Variants in TAF1 observed in about 807,000 individuals in gnomAD.
TAF1 encodes the protein TATA-box binding protein associated factor 1, also known as transcription initiation factor TFIID subunit 1.
In TAF1, 2 loss-of-function variants were observed where a neutral mutation model predicts 138.5. The observed-to-expected ratio is 0.01, with a 90% CI of 0.01 to 0.05. The LOEUF is 0.05. Among genes scored for constraint, TAF1 ranks in the 10% least tolerant of loss-of-function variants. TAF1 has a pLI of 1.00. For missense variants in TAF1, 709 were observed against 1,478.0 expected, an observed-to-expected ratio of 0.48 and a Z score of 8.53; for synonymous variants, 437 against 503.2, an observed-to-expected ratio of 0.87 and a Z score of 1.76.
chrX:71,433,616 T>C (rs1239684547), intron 32 of TAF1, among the ~76,000 whole-genome samples: 1 of 111,473 alleles, frequency 9.0e-6, no homozygotes, highest in Non-Finnish European at 1.9e-5. Flanking sequence ...ACTTTTTATG[T>C]GATTTCTCAA....
intron 28 of TAF1, among the ~76,000 whole-genome samples, chrX:71,409,315 A>G (rs754715447): frequency 9.8e-4 from 107 of 108,880 alleles, no homozygotes; most frequent in Middle Eastern, 4.7e-3. Context: ...TTTGGTAGAG[A>G]TGGGGTTTTG....
At chrX:71,437,532 A>T (rs1452613248) in intron 32 of TAF1, among the ~76,000 whole-genome samples, 1 of 108,476 alleles carries the variant, frequency 9.2e-6, no homozygotes, top group Admixed American at 1.0e-4. Flanking sequence ...AACATGGTGA[A>T]ACCCCATCTC....
At chrX:71,405,148 G>A (rs1228016892) in intron 25 of TAF1, among the ~76,000 whole-genome samples, 1 of 108,603 alleles carries the variant, frequency 9.2e-6, no homozygotes, top group Non-Finnish European at 1.9e-5. Flanking sequence ...TAATAGAGAC[G>A]GGGCTTCACC....
chrX:71,528,995 T>C (rs1402956933), intron 14 of TAF1, among the ~76,000 whole-genome samples: 1 of 112,107 alleles, frequency 8.9e-6, no homozygotes, highest in Non-Finnish European at 1.9e-5. Flanking sequence ...AGAGCGCTAA[T>C]TGGTGCATTT....
chrX:71,499,774 G>C (rs2039463124), intron 13 of TAF1, among the ~76,000 whole-genome samples: 1 of 111,228 alleles, frequency 9.0e-6, no homozygotes, highest in Admixed American at 9.6e-5. Flanking sequence ...AAGATACCAG[G>C]TATCTCCAAG....
chrX:71,390,475 C>T (rs191584503), intron 18 of TAF1, among the ~76,000 whole-genome samples: 323 of 111,641 alleles, frequency 2.9e-3, no homozygotes, highest in South Asian at 0.011. Context: ...CCCTGGATTT[C>T]GATTGGATGA....
chrX:71,505,174 A>ATATGTGAT (rs1316640091), intron 13 of TAF1, among the ~76,000 whole-genome samples: 3 of 111,477 alleles, frequency 2.7e-5, no homozygotes, highest in African/African-American at 9.8e-5. Flanking sequence ...CCATATTGAT[A>ATATGTGAT]TAAATAAGTG....
At position 71,374,053 on chromosome X, in the gene TAF1, G is replaced by A. The variant is rs767672770; in HGVS notation, c.353-1114G>A. 7.2e-5 allele frequency among the ~76,000 whole-genome samples: 8 copies of A among 111,090 alleles called. No homozygotes were observed. In the South Asian group the frequency reaches 2.2e-3, roughly 31 times the overall value. ...AATGTTTCAAGCAGCTCTTGGAAAC[G>A]CTTTCATATGTTGTATGATTTTTTC... On this transcript the variant is annotated intron_variant, in intron 3 of 37. Coordinates refer to ENST00000423759, the MANE Select transcript of TAF1 (RefSeq NM_004606.5).
intron 25 of TAF1, 63 bp downstream of exon 25, chrX:71,401,802 G>A: frequency 9.5e-7 from 1 of 1,054,178 alleles, no homozygotes; most frequent in Non-Finnish European, 1.3e-6. Flanking sequence ...TATATTGGTG[G>A]CTGGCAGGGG....
chrX:71,497,697 C>T (rs1012226198), intron 13 of TAF1, among the ~76,000 whole-genome samples: 1 of 110,550 alleles, frequency 9.0e-6, no homozygotes, highest in Non-Finnish European at 1.9e-5. Flanking sequence ...GATGGAGCTT[C>T]TACTAGGGCC....
intron 32 of TAF1, among the ~76,000 whole-genome samples, chrX:71,447,004 TC>T (rs2037723645): frequency 8.9e-6 from 1 of 112,325 alleles, no homozygotes; most frequent in Non-Finnish European, 1.9e-5. Context: ...AAGATAAATA[TC>T]TAAGAATTGC....
chrX:71,366,475 G>A lies in TAF1; in HGVS notation c.101G>A (p.Gly34Glu), dbSNP rs2032484695. 1.2e-5 allele frequency: 14 copies of A among 1,200,026 alleles called. No individual in the cohort carries two copies. Among genetic ancestry groups the A allele is most frequent in the Non-Finnish European group, 1.6e-5 (14 of 890,594 alleles). The change falls in exon 1 of 38, where the codon GGG becomes GAG. Residue 34 changes from glycine (G) to glutamate (E), a missense_variant. Coordinates refer to ENST00000423759, the MANE Select transcript of TAF1 (RefSeq NM_004606.5). ...ATCAATGGAGCCGGGCAGCTGGAGG[G>A]GGAAAGCGTCTTGGATGATGTGAGG... ...GNINGAGQLEGESVLDDECKK... is the reference protein window; with the variant it reads ...GNINGAGQLEEESVLDDECKK...
chrX:71,475,211 T>C (rs1352109840), intron 13 of TAF1, among the ~76,000 whole-genome samples: 1 of 111,344 alleles, frequency 9.0e-6, no homozygotes, highest in Non-Finnish European at 1.9e-5. Flanking sequence ...ATGGACAGAA[T>C]GTAAAGTTAC....
At chrX:71,437,092 C>T (rs1171884185) in intron 32 of TAF1, among the ~76,000 whole-genome samples, 2 of 111,325 alleles carry the variant, frequency 1.8e-5, no homozygotes, top group East Asian at 5.5e-4. Context: ...TTGAATTTCT[C>T]ATTGTCGAGT....
chrX:71,505,118 G>A lies in TAF1; in HGVS notation c.1367-23424G>A, dbSNP rs757082530. 2.3e-4 allele frequency among the ~76,000 whole-genome samples: 25 copies of A among 110,283 alleles called. 1 individual carries two copies. Among genetic ancestry groups the A allele is most frequent in the Admixed American group, 1.9e-3 (19 of 10,145 alleles). On this transcript the variant is annotated intron_variant and NMD_transcript_variant, in intron 13 of 14. Transcript: ENST00000373775. Reference sequence around the variant, plus strand: ...TGCACACCAGCCTGGGCAACAGAGCGAGACCCCATATCAAAAAAATATATA... The same window carrying A: ...TGCACACCAGCCTGGGCAACAGAGCAAGACCCCATATCAAAAAAATATATA...
chrX:71,398,784 T>C, intron 24 of TAF1, 47 bp downstream of exon 24: 2 of 1,135,090 alleles, frequency 1.8e-6, no homozygotes, highest in Non-Finnish European at 2.3e-6. Flanking sequence ...AAAGGAAGAA[T>C]GTATACCTTT....
chrX:71,445,298 C>CA (rs41356545), intron 32 of TAF1, among the ~76,000 whole-genome samples: 881 of 36,487 alleles, frequency 0.024, 17 homozygotes, highest in Non-Finnish European at 0.03. Flanking sequence ...AGACTCATCT[C>CA]AAAAAAAAAA....
At chrX:71,484,624 G>A (rs889093427) in intron 13 of TAF1, among the ~76,000 whole-genome samples, 1 of 111,542 alleles carries the variant, frequency 9.0e-6, no homozygotes, top group Non-Finnish European at 1.9e-5. Flanking sequence ...GAGCCACCGC[G>A]CCTGGCCAAA....
chrX:71,436,040 T>C (rs1395884376), intron 32 of TAF1, among the ~76,000 whole-genome samples: 2 of 82,190 alleles, frequency 2.4e-5, no homozygotes, highest in African/African-American at 9.7e-5. Flanking sequence ...GCTACCTCCT[T>C]TTTTTTTTTT....
Sources: gnomAD v4.1 joint callset for allele counts (sites outside exome capture counted in the v4.1 genomes callset) on GRCh38, gnomAD v4.1.1 for gene constraint, MANE v1.5 for transcripts, NCBI Gene and HGNC (gene_info 2026-07-23, HGNC 2026-07-21) for gene names.